The following CD83 variants were observed in gnomAD, a reference collection of about 807,000 sequenced individuals.
CD83 encodes CD83 molecule.
CD83 carries 22 observed loss-of-function variants against 24.6 expected under a neutral mutation model. That is an observed-to-expected ratio of 0.90 (90% CI 0.64 to 1.28). The LOEUF (loss-of-function observed/expected upper bound fraction) is 1.28, where lower values mean the gene tolerates loss of function less well. Among genes scored for constraint, CD83 ranks in the 50% most tolerant of loss-of-function variants. The pLI, the probability that CD83 is intolerant of heterozygous loss-of-function variation, is 0.00. For synonymous variants in CD83, 101 were observed against 103.5 expected, an observed-to-expected ratio of 0.98 and a Z score of 0.14; for missense variants, 253 against 252.8, an observed-to-expected ratio of 1.00 and a Z score of -0.01.
At position 14,131,732 on chromosome 6, in the gene CD83, G is replaced by A. The variant is rs762528669; in HGVS notation, c.366G>A (p.Val122=). The change falls in exon 3 of 5, where the codon GTG becomes GTA. Residue 122 remains valine, a synonymous_variant. Transcript: ENST00000379153. ...PDGQRNLSGK[V]ILRVTGCPAQ... ...GGCAGAGAAACCTAAGTGGCAAGGT[G>A]ATCTTGAGAGTGACAGGTGAGGTGA... 2 of 1,612,838 alleles carry A rather than the reference G, an allele frequency of 1.2e-6. No individual in the cohort carries two copies. The highest frequency in any genetic ancestry group is 3.3e-5 in the Admixed American group (2 of 60,028).
In CD83 at chr6:14,136,769, C is replaced by T. The variant is rs937927357; in HGVS notation, c.*1533C>T. ...ACTAGGCTTAATACCTGGGTGATTA[C>T]ATAATCTGTACAATGAACCCCCATG... On this transcript the variant is annotated 3_prime_UTR_variant, in exon 5 of 5. Transcript: ENST00000379153. 2.6e-5 allele frequency: 4 copies of T among 152,130 alleles called. No homozygotes were observed. The highest frequency in any genetic ancestry group is 4.8e-5 in the African/African-American group (2 of 41,424). 9.4% of individuals were successfully genotyped at this position (152,130 alleles called of 1,614,324 possible).
chr6:14,130,220 C>T (rs1757854214), intron 2 of CD83, among the ~76,000 whole-genome samples: 1 of 152,138 alleles, frequency 6.6e-6, no homozygotes, highest in Admixed American at 6.5e-5. Flanking sequence ...AAGGGCTGCC[C>T]AGGAAGGCTG....
chr6:14,121,447 G>T (rs1759666652), intron 2 of CD83, among the ~76,000 whole-genome samples: 3 of 151,520 alleles, frequency 2.0e-5, no homozygotes. Flanking sequence ...AAAGTGCTAG[G>T]ATTACAGGCA....
intron 3 of CD83, among the ~76,000 whole-genome samples, chr6:14,132,328 C>G (rs897419486): frequency 6.6e-6 from 1 of 152,212 alleles, no homozygotes. Flanking sequence ...GAATATTCAC[C>G]TGAATGAGAG....
chr6:14,127,374 A>G (rs993826683), intron 2 of CD83, among the ~76,000 whole-genome samples: 16 of 152,150 alleles, frequency 1.1e-4, no homozygotes, highest in African/African-American at 3.6e-4. Context: ...AAATGAAACT[A>G]TTGCCCTCTT....
At chr6:14,120,202 T>C (rs551695611) in intron 2 of CD83, among the ~76,000 whole-genome samples, 77 of 152,278 alleles carry the variant, frequency 5.1e-4, no homozygotes, top group African/African-American at 1.7e-3. Context: ...AATAAACGAA[T>C]CAGGTGCCTC....
At position 14,117,896 on chromosome 6, in the gene CD83, C is replaced by T; in HGVS notation, c.37+48C>T. ...TCGCCTGTCGCCCCCCGCCCCTCCA[C>T]GACACCCCCTCCCGTCGGTCGCTTG... On this transcript the variant is annotated intron_variant, in intron 1 of 4. Transcript: ENST00000379153. This position sits in a 1 kb window ranked among gnomAD's most constrained non-coding sequence, Gnocchi z 4.6. 6.3e-7 allele frequency: 1 copy of T among 1,582,320 alleles called. No individual in the cohort carries two copies. The highest frequency in any genetic ancestry group is 8.6e-7 in the Non-Finnish European group (1 of 1,168,580).
At chr6:14,126,050 A>C (rs1759801715) in intron 2 of CD83, among the ~76,000 whole-genome samples, 1 of 152,178 alleles carries the variant, frequency 6.6e-6, no homozygotes, top group African/African-American at 2.4e-5. Context: ...CCCATGAGCA[A>C]GTAAGGGAGC....
intron 2 of CD83, among the ~76,000 whole-genome samples, chr6:14,119,859 G>A (rs1759631102): frequency 6.6e-6 from 1 of 152,252 alleles, no homozygotes; most frequent in Non-Finnish European, 1.5e-5. Context: ...ATTTCAGGCT[G>A]TGAAGTTCAA....
chr6:14,118,220 C>T (rs1172582109), intron 2 of CD83, among the ~76,000 whole-genome samples, 155 bp downstream of exon 2: 1 of 152,162 alleles, frequency 6.6e-6, no homozygotes, highest in Non-Finnish European at 1.5e-5. Context: ...TCCCGTCGCG[C>T]CTCCCCCACC....
At chr6:14,134,045 C>T (rs1270988362) in intron 4 of CD83, among the ~76,000 whole-genome samples, 1 of 152,100 alleles carries the variant, frequency 6.6e-6, no homozygotes, top group East Asian at 1.9e-4. Context: ...GAGCAGAGGC[C>T]CTGTAGGCGC....
In CD83 at chr6:14,126,298, A is replaced by G. The variant is rs551440412; in HGVS notation, c.154-5222A>G. On this transcript the variant is annotated intron_variant, in intron 2 of 4. Coordinates refer to ENST00000379153, the MANE Select transcript of CD83 (RefSeq NM_004233.4). ...CTTGGTTATAAAAAAAAGGAGAGAG[A>G]GAGAGTAGTAACATCTTCAGGGCTT... 1.3e-4 allele frequency among the ~76,000 whole-genome samples: 20 copies of G among 152,344 alleles called. 1 individual carries two copies. In the East Asian group the frequency reaches 3.9e-3, roughly 29 times the overall value.
At chr6:14,118,132 C>T (rs555897798) in intron 2 of CD83, 67 bp downstream of exon 2, 4 of 1,199,646 alleles carry the variant, frequency 3.3e-6, no homozygotes, top group African/African-American at 3.1e-5. Context: ...GAACCATCTC[C>T]CCTAGGCTGG....
Position 14,136,047 on chromosome 6 carries a change from T to C in CD83, c.*811T>C, listed in dbSNP as rs1758041906. On this transcript the variant is annotated 3_prime_UTR_variant, in exon 5 of 5. Transcript: ENST00000379153. ...GAGCTATTTAATGGCCGGCTGGAAA[T>C]GCTGGGCTGACGGTGCAGTCTGGGT... The C allele has an allele frequency of 6.6e-6, 1 of 152,194 alleles. No individual in the cohort carries two copies. The highest frequency in any genetic ancestry group is 1.5e-5 in the Non-Finnish European group (1 of 68,046). 9.4% of individuals were successfully genotyped at this position (152,194 alleles called of 1,614,324 possible). A position where few individuals can be genotyped will look rare whatever the true frequency, so the allele number is the denominator to read the frequency against.
intron 2 of CD83, among the ~76,000 whole-genome samples, chr6:14,130,764 A>G (rs545559584): frequency 2.6e-4 from 39 of 152,222 alleles, no homozygotes; most frequent in Non-Finnish European, 4.7e-4. Flanking sequence ...AGCCAGATAA[A>G]ATGTCTGGCT....
chr6:14,130,845 A>G (rs547743859), intron 2 of CD83, among the ~76,000 whole-genome samples: 1 of 152,206 alleles, frequency 6.6e-6, no homozygotes, highest in South Asian at 2.1e-4. Flanking sequence ...CTGCCCTTCC[A>G]TGTGGAGTTT....
rs1003758023 is a variant in CD83, at chr6:14,133,592, T to C, written c.383-57T>C. ...AAGGAACAAAGCATTCTTAGCTTTT[T>C]TTCATGGTAGAAAAATCCTGTTAAA... On this transcript the variant is annotated intron_variant, in intron 3 of 4. Transcript: ENST00000379153. The C allele has an allele frequency of 3.4e-5, 41 of 1,215,534 alleles. No individual in the cohort carries two copies. In the African/African-American group the frequency reaches 5.5e-4, roughly 16 times the overall value. 75.3% of individuals were successfully genotyped at this position (1,215,534 alleles called of 1,614,324 possible).
Position 14,131,518 on chromosome 6 carries a change from A to G in CD83, c.154-2A>G. 1 of 1,606,638 alleles carries G rather than the reference A, an allele frequency of 6.2e-7. No individual in the cohort carries two copies. The highest frequency in any genetic ancestry group is 8.5e-7 in the Non-Finnish European group (1 of 1,173,208). On this transcript the variant is annotated splice_acceptor_variant, in intron 2 of 4. Transcript: ENST00000379153. LOFTEE classifies it high-confidence loss of function. ...TGATGCGCTCTGATTCCTTCTTCAC[A>G]GTTATTGGAGGGTGGTGAAGAGAGG...
intron 4 of CD83, among the ~76,000 whole-genome samples, chr6:14,134,486 C>A (rs1757997058): frequency 6.6e-6 from 1 of 152,210 alleles, no homozygotes; most frequent in African/African-American, 2.4e-5. Flanking sequence ...TTGTCTCCAT[C>A]CACCAGGCAG....
Sources: allele counts gnomAD v4.1 joint callset (sites outside exome capture counted in the v4.1 genomes callset), GRCh38; gene constraint gnomAD v4.1.1; non-coding constraint Gnocchi (gnomAD v3.1); transcripts MANE v1.5; gene names NCBI Gene and HGNC (gene_info 2026-07-23, HGNC 2026-07-21).